The following CCL11 variants were observed in gnomAD, a reference collection of about 807,000 sequenced individuals.
The protein encoded by CCL11 is eotaxin.
Under a neutral mutation model 7.3 loss-of-function variants are expected in CCL11, and 7 were observed. The observed-to-expected ratio is 0.96, with a 90% confidence interval of 0.55 to 1.81. The LOEUF (loss-of-function observed/expected upper bound fraction) is 1.81, where lower values mean the gene tolerates loss of function less well. Ranked by LOEUF, CCL11 falls within the 40% of genes most tolerant of loss-of-function variation. The pLI, the probability that CCL11 is intolerant of heterozygous loss-of-function variation, is 0.00. For synonymous variants in CCL11, 66 were observed against 45.2 expected (o/e 1.46, Z -1.84); for missense variants, 132 against 114.2 (o/e 1.16, Z -0.71).
intron 1 of CCL11, among the ~76,000 whole-genome samples, chr17:34,286,439 C>T (rs1261875660): frequency 6.6e-6 from 1 of 152,188 alleles, no homozygotes; most frequent in East Asian, 1.9e-4. Flanking sequence ...ACAAACAGTT[C>T]TAAATTATCA....
chr17:34,287,419 A>G (rs1038117969), intron 2 of CCL11, among the ~76,000 whole-genome samples, 166 bp from the exon 3 acceptor site: 2 of 152,144 alleles, frequency 1.3e-5, no homozygotes, highest in South Asian at 2.1e-4. Context: ...AAGAGCAAAG[A>G]TGGTTTTACT....
Position 34,287,827 on chromosome 17 carries a change from T to TAAA in CCL11, c.*145_*147dup, listed in dbSNP as rs35429363. The TAAA allele has an allele frequency of 0.049, 14,088 of 286,934 alleles. 314 individuals are homozygous for TAAA. The highest frequency in any genetic ancestry group is 0.065 in the Non-Finnish European group (10,498 of 162,510). The allele number at this position is 286,934 out of a possible 1,614,324, so 17.8% of individuals were successfully genotyped here. A position where few individuals can be genotyped will look rare whatever the true frequency, so the allele number is the denominator to read the frequency against. Reference sequence around the variant, plus strand: ...TATTATATATATATATTTTTTTTTTTAAAAAAAAAACGTATTGCATTTAAT... The same window carrying TAAA: ...TATTATATATATATATTTTTTTTTTTAAAAAAAAAAAAACGTATTGCATTTAAT... On this transcript the variant is annotated 3_prime_UTR_variant, in exon 3 of 3. Coordinates refer to ENST00000305869, the MANE Select transcript of CCL11 (RefSeq NM_002986.3).
intron 1 of CCL11, among the ~76,000 whole-genome samples, chr17:34,286,539 T>C (rs1337685011): frequency 1.3e-5 from 2 of 152,246 alleles, no homozygotes; most frequent in South Asian, 2.1e-4. Context: ...TTCTGCATTT[T>C]ATACTCAGGA....
chr17:34,286,134 G>T (rs770778937), intron 1 of CCL11, among the ~76,000 whole-genome samples: 3 of 152,194 alleles, frequency 2.0e-5, no homozygotes, highest in Non-Finnish European at 4.4e-5. Flanking sequence ...TCCTTACAGT[G>T]TTTGGGAATG....
In CCL11 at chr17:34,287,599, T is replaced by A; in HGVS notation, c.203T>A (p.Leu68Gln). The A allele has an allele frequency of 6.2e-7, 1 of 1,613,592 alleles. No homozygotes were observed. Among genetic ancestry groups the A allele is most frequent in the Non-Finnish European group, 8.5e-7 (1 of 1,179,668 alleles). The change falls in exon 3 of 3, where the codon CTG (leucine) becomes CAG (glutamine). Residue 68 changes from leucine to glutamine, a missense_variant. By Grantham distance (113) the Leu-to-Gln change is moderately radical (BLOSUM62 -2). Coordinates refer to ENST00000305869, the MANE Select transcript of CCL11 (RefSeq NM_002986.3). ...PQKAVIFKTKLAKDICADPKK... is the reference protein window; with the variant it reads ...PQKAVIFKTKQAKDICADPKK... ...ATCTCCCACAGCTTCAAGACCAAAC[T>A]GGCCAAGGATATCTGTGCCGACCCC... is the stretch of plus-strand genomic sequence containing the variant.
chr17:34,287,128 G>T lies in CCL11; in HGVS notation c.109G>T (p.Ala37Ser). The change falls in exon 2 of 3, where the codon GCC becomes TCC. Residue 37 changes from alanine to serine, a missense_variant. Coordinates refer to ENST00000305869, the MANE Select transcript of CCL11 (RefSeq NM_002986.3). Reference sequence around the variant, plus strand: ...CCCAACCACCTGCTGCTTTAACCTGGCCAATAGGAAGATACCCCTTCAGCG... The same window carrying T: ...CCCAACCACCTGCTGCTTTAACCTGTCCAATAGGAAGATACCCCTTCAGCG... The part of the protein sequence containing the change: ...SVPTTCCFNL[A>S]NRKIPLQRLE... 1 of 1,613,708 alleles carries T rather than the reference G, an allele frequency of 6.2e-7. No individual in the cohort carries two copies. The highest frequency in any genetic ancestry group is 8.5e-7 in the Non-Finnish European group (1 of 1,179,850).
chr17:34,287,152 C>T lies in CCL11; in HGVS notation c.133C>T (p.Arg45Ter), dbSNP rs200085641. The part of the protein sequence containing the change: ...NLANRKIPLQ[R>*]LESYRRITSG... ...GGCCAATAGGAAGATACCCCTTCAG[C>T]GACTAGAGAGCTACAGGAGAATCAC... The change falls in exon 2 of 3, where the codon CGA (arginine) becomes TGA (stop). Residue 45 changes from arginine to a stop codon, truncating the protein, a stop_gained. Transcript: ENST00000305869. LOFTEE classifies it high-confidence loss of function. The T allele has an allele frequency of 2.6e-5, 42 of 1,613,816 alleles. No individual in the cohort carries two copies. The highest frequency in any genetic ancestry group is 1.3e-4 in the Admixed American group (8 of 59,994).
chr17:34,285,795 C>T lies in CCL11; in HGVS notation c.-14C>T, dbSNP rs137995665. On this transcript the variant is annotated 5_prime_UTR_variant, in exon 1 of 3. Coordinates refer to ENST00000305869, the MANE Select transcript of CCL11 (RefSeq NM_002986.3). ...CCACCTCTCACGCCAAAGCTCACAC[C>T]TTCAGCCTCCAACATGAAGGTCTCC... 16 of 1,608,380 alleles carry T rather than the reference C, an allele frequency of 9.9e-6. No individual in the cohort carries two copies. Among genetic ancestry groups the T allele is most frequent in the African/African-American group, 1.3e-5 (1 of 74,668 alleles).
In CCL11 at chr17:34,285,847, A is replaced by G; in HGVS notation, c.39A>G (p.Ile13Met). 1 of 1,612,792 alleles carries G rather than the reference A, an allele frequency of 6.2e-7. No individual in the cohort carries two copies. Among genetic ancestry groups the G allele is most frequent in the Non-Finnish European group, 8.5e-7 (1 of 1,179,356 alleles). ...CAGCACTTCTGTGGCTGCTGCTCAT[A>G]GCAGCTGCCTTCAGCCCCCAGGGGC... Reference protein sequence around the residue: ...VSAALLWLLLIAAAFSPQGLA... With the variant: ...VSAALLWLLLMAAAFSPQGLA... The change falls in exon 1 of 3, where the codon ATA becomes ATG. Residue 13 changes from isoleucine (I) to methionine (M), a missense_variant. By Grantham distance (10) the Ile-to-Met change is conservative. Coordinates refer to ENST00000305869, the MANE Select transcript of CCL11 (RefSeq NM_002986.3).
chr17:34,286,004 TG>T, intron 1 of CCL11, 120 bp downstream of exon 1: 1 of 681,912 alleles, frequency 1.5e-6, no homozygotes, highest in East Asian at 2.8e-5. Context: ...AAACAGGTTT[TG>T]TGGGTGGACA....
intron 1 of CCL11, among the ~76,000 whole-genome samples, chr17:34,286,415 T>G (rs1908634665): frequency 6.6e-6 from 1 of 152,238 alleles, no homozygotes; most frequent in South Asian, 2.1e-4. Context: ...ACTGAGCCAG[T>G]GCATAGCATG....
chr17:34,286,955 C>CA, intron 1 of CCL11, 141 bp from the exon 2 acceptor site: 3 of 608,024 alleles, frequency 4.9e-6, no homozygotes, highest in Non-Finnish European at 8.9e-6. Flanking sequence ...CATAAGACTT[C>CA]AGAGCAGAGG....
Position 34,287,701 on chromosome 17 carries a change from T to G in CCL11, c.*11T>G. 1 of 1,577,280 alleles carries G rather than the reference T, an allele frequency of 6.3e-7. No individual in the cohort carries two copies. The highest frequency in any genetic ancestry group is 8.7e-7 in the Non-Finnish European group (1 of 1,146,940). Reference sequence around the variant, plus strand: ...ACTCCAAAGCCATAAATAATCACCATTTTTGAAACCAAACCAGAGCCTGAG... The same window carrying G: ...ACTCCAAAGCCATAAATAATCACCAGTTTTGAAACCAAACCAGAGCCTGAG... On this transcript the variant is annotated 3_prime_UTR_variant, in exon 3 of 3. Transcript: ENST00000305869.
At chr17:34,287,495 T>C (rs538656320) in intron 2 of CCL11, 90 bp from the exon 3 acceptor site, 1 of 913,272 alleles carries the variant, frequency 1.1e-6, no homozygotes, top group East Asian at 2.5e-5. Context: ...CAACCCTTTG[T>C]CCAGGGGCAG....
intron 1 of CCL11, among the ~76,000 whole-genome samples, 187 bp from the exon 2 acceptor site, chr17:34,286,909 A>G (rs1024285951): frequency 2.0e-5 from 3 of 152,164 alleles, no homozygotes; most frequent in African/African-American, 4.8e-5. Context: ...TGCACAGGGG[A>G]GGATGCTGAA....
At chr17:34,286,417 C>T (rs1177643141) in intron 1 of CCL11, among the ~76,000 whole-genome samples, 1 of 152,180 alleles carries the variant, frequency 6.6e-6, no homozygotes, top group African/African-American at 2.4e-5. Context: ...TGAGCCAGTG[C>T]ATAGCATGGT....
chr17:34,286,021 T>C (rs1908621815), intron 1 of CCL11, 137 bp downstream of exon 1: 3 of 623,220 alleles, frequency 4.8e-6, no homozygotes, highest in Non-Finnish European at 8.4e-6. Flanking sequence ...GGACAAGAAA[T>C]GCCTCAACCT....
intron 1 of CCL11, 133 bp from the exon 2 acceptor site, chr17:34,286,963 A>T: frequency 1.6e-6 from 1 of 629,472 alleles, no homozygotes; most frequent in Non-Finnish European, 2.9e-6. Context: ...TTCAGAGCAG[A>T]GGGATTCTCC....
At position 34,285,864 on chromosome 17, in the gene CCL11, C is replaced by A. The variant is rs144517997; in HGVS notation, c.56C>A (p.Pro19His). 2.8e-5 allele frequency: 45 copies of A among 1,611,924 alleles called. No individual in the cohort carries two copies. Among genetic ancestry groups the A allele is most frequent in the Non-Finnish European group, 3.6e-5 (43 of 1,179,040 alleles). ...WLLLIAAAFS[P>H]QGLAGPASVP... ...CTGCTCATAGCAGCTGCCTTCAGCC[C>A]CCAGGGGCTCGCTGGGCCAGGTAAG... The change falls in exon 1 of 3, where the codon CCC becomes CAC. Residue 19 changes from proline to histidine, a missense_variant. Pro to His is a moderately conservative substitution (Grantham distance 77). Transcript: ENST00000305869.
Sources: allele counts gnomAD v4.1 joint callset (sites outside exome capture counted in the v4.1 genomes callset), GRCh38; gene constraint gnomAD v4.1.1; transcripts MANE v1.5; gene names NCBI Gene and HGNC (gene_info 2026-07-23, HGNC 2026-07-21).